CHCHD3: variants seen among roughly 807,000 people sequenced by gnomAD.
CHCHD3 encodes MICOS complex subunit MIC19.
A neutral mutation model predicts 38.2 loss-of-function variants in CHCHD3; 20 were observed. The ratio of observed to expected loss-of-function variants is 0.52; its 90% confidence interval spans 0.37 to 0.76. CHCHD3 has a LOEUF of 0.76. Ranked by LOEUF, CHCHD3 falls within the 30% of genes least tolerant of loss-of-function variation. The pLI is 0.00. For missense variants in CHCHD3, 245 were observed against 279.2 expected (o/e 0.88, Z 0.87); for synonymous variants, 82 against 100.0 (o/e 0.82, Z 1.07).
chr7:133,012,433 A>G (rs1215822975), intron 3 of CHCHD3, among the ~76,000 whole-genome samples: 1 of 152,172 alleles, frequency 6.6e-6, no homozygotes, highest in African/African-American at 2.4e-5. Context: ...ATTGAGCTCC[A>G]TAATTAAGGC....
intron 2 of CHCHD3, among the ~76,000 whole-genome samples, chr7:133,062,166 G>A (rs1814536903): frequency 6.6e-6 from 1 of 152,002 alleles, no homozygotes; most frequent in African/African-American, 2.4e-5. Context: ...CTGACAGCTG[G>A]AAAGTCAATG....
At chr7:132,864,231 G>T (rs909717504) in intron 5 of CHCHD3, among the ~76,000 whole-genome samples, 1 of 152,170 alleles carries the variant, frequency 6.6e-6, no homozygotes, top group African/African-American at 2.4e-5. Context: ...TCATTGTAGG[G>T]TTATTAATTG....
chr7:133,019,201 T>C (rs988965429), intron 3 of CHCHD3, among the ~76,000 whole-genome samples: 2 of 152,158 alleles, frequency 1.3e-5, no homozygotes, highest in African/African-American at 4.8e-5. Flanking sequence ...TCTTGTATCA[T>C]GTATTTTAAA....
intron 4 of CHCHD3, among the ~76,000 whole-genome samples, chr7:132,922,624 T>C (rs1213336609): frequency 6.6e-6 from 1 of 152,140 alleles, no homozygotes. Context: ...AAAATGTCCA[T>C]TGTGGCTTTG....
chr7:133,053,226 G>A (rs1562949527), intron 2 of CHCHD3, among the ~76,000 whole-genome samples: 3 of 152,186 alleles, frequency 2.0e-5, no homozygotes, highest in African/African-American at 4.8e-5. Context: ...GCTCAGTCAC[G>A]TCAGGGCTTA....
chr7:132,813,849 TA>T (rs907908328), intron 6 of CHCHD3, among the ~76,000 whole-genome samples: 7 of 152,204 alleles, frequency 4.6e-5, no homozygotes, highest in African/African-American at 1.7e-4. Context: ...GTACTCATGT[TA>T]AAAATCACGC....
chr7:132,898,647 G>A (rs1404163524), intron 4 of CHCHD3, among the ~76,000 whole-genome samples: 1 of 152,274 alleles, frequency 6.6e-6, no homozygotes, highest in African/African-American at 2.4e-5. Context: ...TGGGCGCTGT[G>A]GAGCAGGGGG....
intron 4 of CHCHD3, among the ~76,000 whole-genome samples, chr7:132,939,575 A>G (rs1481997606): frequency 6.6e-6 from 1 of 152,198 alleles, no homozygotes; most frequent in Non-Finnish European, 1.5e-5. Context: ...ACTCTCTAGT[A>G]TTCACACAAT....
chr7:132,826,852 A>C (rs1362561168), intron 6 of CHCHD3, among the ~76,000 whole-genome samples: 1 of 152,260 alleles, frequency 6.6e-6, no homozygotes, highest in African/African-American at 2.4e-5. Context: ...AGTAATTTTC[A>C]AACCTTATCC....
chr7:132,954,793 C>T (rs369182039), intron 4 of CHCHD3, among the ~76,000 whole-genome samples: 4 of 152,142 alleles, frequency 2.6e-5, no homozygotes, highest in South Asian at 2.1e-4. Flanking sequence ...CGACGTCCCT[C>T]GCCATCTGCC....
At chr7:132,810,035 G>C (rs1807027614) in intron 6 of CHCHD3, among the ~76,000 whole-genome samples, 2 of 152,150 alleles carry the variant, frequency 1.3e-5, no homozygotes, top group South Asian at 4.1e-4. Context: ...CTCTATTTGG[G>C]AAATGGATAT....
At chr7:133,043,734 G>T (rs1360363894) in intron 2 of CHCHD3, among the ~76,000 whole-genome samples, 1 of 151,634 alleles carries the variant, frequency 6.6e-6, no homozygotes, top group African/African-American at 2.4e-5. Flanking sequence ...TAACTTATTT[G>T]ATTTTAGAAC....
chr7:133,052,866 C>A (rs1244434076), intron 2 of CHCHD3, among the ~76,000 whole-genome samples: 1 of 152,182 alleles, frequency 6.6e-6, no homozygotes, highest in Non-Finnish European at 1.5e-5. Flanking sequence ...GTATATTCGT[C>A]ATTAAAAAGT....
chr7:132,901,335 CA>C (rs1809661429), intron 4 of CHCHD3, among the ~76,000 whole-genome samples: 1 of 152,166 alleles, frequency 6.6e-6, no homozygotes, highest in African/African-American at 2.4e-5. Flanking sequence ...GCGCTCAAAG[CA>C]CGAGTCATCT....
intron 5 of CHCHD3, among the ~76,000 whole-genome samples, chr7:132,838,835 G>T (rs750966262): frequency 3.3e-5 from 5 of 152,032 alleles, no homozygotes; most frequent in Admixed American, 6.6e-5. Flanking sequence ...ACACACATTC[G>T]TATTTATATA....
chr7:132,830,265 T>TAA (rs1260084606), intron 6 of CHCHD3, among the ~76,000 whole-genome samples: 2 of 152,298 alleles, frequency 1.3e-5, no homozygotes, highest in East Asian at 3.9e-4. Flanking sequence ...TTCCTTGGAC[T>TAA]AATTTGTTGC....
chr7:132,966,461 G>T (rs185082363), intron 4 of CHCHD3, among the ~76,000 whole-genome samples: 12 of 152,228 alleles, frequency 7.9e-5, no homozygotes, highest in Admixed American at 2.6e-4. Flanking sequence ...ATAAAAGCAC[G>T]GATACAGAAA....
intron 2 of CHCHD3, among the ~76,000 whole-genome samples, chr7:133,027,624 G>A (rs1355204270): frequency 6.6e-6 from 1 of 152,098 alleles, no homozygotes; most frequent in East Asian, 1.9e-4. Context: ...TCAAATGGGT[G>A]TTTAGGGACC....
chr7:132,908,881 T>A (rs925518879), intron 4 of CHCHD3, among the ~76,000 whole-genome samples: 5 of 152,228 alleles, frequency 3.3e-5, no homozygotes, highest in African/African-American at 1.2e-4. Flanking sequence ...TAGGTCTTAA[T>A]TAAATTCTCA....
Sources: allele counts gnomAD v4.1 joint callset (sites outside exome capture counted in the v4.1 genomes callset), GRCh38; gene constraint gnomAD v4.1.1; transcripts MANE v1.5; gene names NCBI Gene and HGNC (gene_info 2026-07-23, HGNC 2026-07-21).